The following RBPJ variants were observed in gnomAD, a reference collection of about 807,000 sequenced individuals.
RBPJ encodes the protein recombining binding protein suppressor of hairless.
Under a neutral mutation model 67.8 loss-of-function variants are expected in RBPJ, and 9 were observed. The observed-to-expected ratio is 0.13, with a 90% CI of 0.08 to 0.23. The LOEUF is 0.23. Ranked by LOEUF, RBPJ falls within the 10% of genes least tolerant of loss-of-function variation. The pLI, the probability that RBPJ is intolerant of heterozygous loss-of-function variation, is 1.00. For missense variants in RBPJ, 305 were observed against 595.6 expected (o/e 0.51, Z 5.08); for synonymous variants, 198 against 203.3 (o/e 0.97, Z 0.22).
At chr4:26,335,733 G>A (rs1460169141) in intron 1 of RBPJ, among the ~76,000 whole-genome samples, 2 of 147,366 alleles carry the variant, frequency 1.4e-5, no homozygotes, top group African/African-American at 5.0e-5. Flanking sequence ...CCATTCTCCT[G>A]CCTCAGCCTC....
chr4:26,311,538 C>CAAA (rs758416652), intron 1 of RBPJ, among the ~76,000 whole-genome samples: 1 of 124,610 alleles, frequency 8.0e-6, no homozygotes, highest in African/African-American at 3.0e-5. Context: ...GACTCGGTCT[C>CAAA]AAAAAAAAAA....
the RBPJ span, among the ~76,000 whole-genome samples, chr4:26,109,450 CTCTCTCTCTCTATATATATATATATA>C: frequency 4.0e-5 from 1 of 24,964 alleles, no homozygotes; most frequent in African/African-American, 2.6e-4. Context: ...CTCTCTCTCT[CTCTCTCTCTCTATATATATATATATA>C]TATATATATA....
chr4:26,347,002 T>TA (rs1474252264), intron 1 of RBPJ, among the ~76,000 whole-genome samples: 1 of 150,912 alleles, frequency 6.6e-6, no homozygotes, highest in Non-Finnish European at 1.5e-5. Context: ...AAAAAAAAAA[T>TA]AAAAAATAAA....
intron 3 of RBPJ, among the ~76,000 whole-genome samples, chr4:26,410,632 T>TA (rs1029492336): frequency 6.6e-6 from 1 of 152,196 alleles, no homozygotes; most frequent in Non-Finnish European, 1.5e-5. Flanking sequence ...AGTTCCTAAA[T>TA]ATGGTCCTTG....
intron 1 of RBPJ, among the ~76,000 whole-genome samples, chr4:26,350,051 C>G (rs753463582): frequency 4.6e-5 from 7 of 152,144 alleles, no homozygotes; most frequent in Non-Finnish European, 7.4e-5. Context: ...TCTTTTTGTT[C>G]AGTGCTCTAG....
chr4:26,126,214 G>C, the RBPJ span, among the ~76,000 whole-genome samples: 1 of 152,208 alleles, frequency 6.6e-6, no homozygotes, highest in Non-Finnish European at 1.5e-5. Flanking sequence ...CTAGGGATTT[G>C]GGATACAAAG....
intron 1 of RBPJ, among the ~76,000 whole-genome samples, chr4:26,282,150 T>G (rs55635247): frequency 2.0e-5 from 3 of 149,064 alleles, no homozygotes; most frequent in African/African-American, 2.5e-5. Context: ...TTTTTTTTTT[T>G]TTTTTTGCTA....
At chr4:26,173,090 A>G (rs974947201) in intron 1 of RBPJ, among the ~76,000 whole-genome samples, 11 of 152,182 alleles carry the variant, frequency 7.2e-5, no homozygotes, top group Non-Finnish European at 1.2e-4. Context: ...TATTTGGAAA[A>G]GAACTGGGGT....
At chr4:26,392,313 A>G (rs115227644) in intron 2 of RBPJ, among the ~76,000 whole-genome samples, 1,533 of 152,324 alleles carry the variant, frequency 0.01, 21 homozygotes, top group African/African-American at 0.032. Context: ...TTCCATTCCT[A>G]CATATTTAAT....
At position 26,401,047 on chromosome 4, in the gene RBPJ, C is replaced by T. The variant is rs1236329283; in HGVS notation, c.60-5128C>T. Among the ~76,000 whole-genome samples the T allele has an allele frequency of 3.9e-5, 6 of 152,192 alleles. No individual in the cohort carries two copies. The East Asian group carries it at 7.7e-4, about 19-fold the overall frequency. On this transcript the variant is annotated intron_variant, in intron 2 of 10. Coordinates refer to ENST00000355476, the MANE Select transcript of RBPJ (RefSeq NM_015874.6). ...AGCCTCAGTGGAAGTCCCATTTTCC[C>T]TCCCTCTGCATTTTGTGTACTGTTG...
intron 1 of RBPJ, among the ~76,000 whole-genome samples, chr4:26,222,927 G>A (rs1212995399): frequency 2.0e-5 from 3 of 151,746 alleles, no homozygotes; most frequent in African/African-American, 4.8e-5. Context: ...AGGCCGAGGC[G>A]GGCGGATCAC....
chr4:26,351,222 T>C (rs1220453612), intron 1 of RBPJ, among the ~76,000 whole-genome samples: 1 of 152,176 alleles, frequency 6.6e-6, no homozygotes, highest in Non-Finnish European at 1.5e-5. Flanking sequence ...TGTACATTAG[T>C]GCGTGATCTC....
chr4:26,337,682 CTTT>C lies in RBPJ; in HGVS notation c.20+16652_20+16654del, dbSNP rs386356773. On this transcript the variant is annotated intron_variant, in intron 1 of 10. Transcript: ENST00000355476. ...AAATATATACTTATAATTCTTTATCCTTTTTTTTTTTTTTTTTTTTGAAGGACA... is the reference window on the plus strand; with the variant it reads ...AAATATATACTTATAATTCTTTATCCTTTTTTTTTTTTTTTTTGAAGGACA... Among the ~76,000 whole-genome samples the C allele has an allele frequency of 5.1e-3, 548 of 108,010 alleles. 5 individuals are homozygous for C. Among genetic ancestry groups the C allele is most frequent in the African/African-American group, 0.016 (427 of 27,448 alleles). 70.9% of individuals were successfully genotyped at this position (108,010 alleles called of 152,430 possible). A position where few individuals can be genotyped will look rare whatever the true frequency, so the allele number is the denominator to read the frequency against.
At chr4:26,383,087 A>G (rs1164216934) in intron 1 of RBPJ, among the ~76,000 whole-genome samples, 1 of 152,220 alleles carries the variant, frequency 6.6e-6, no homozygotes, top group Non-Finnish European at 1.5e-5. Context: ...GATGGCACCT[A>G]GAAGGATGTA....
chr4:26,377,738 C>T (rs1729901901), intron 1 of RBPJ, among the ~76,000 whole-genome samples: 2 of 152,122 alleles, frequency 1.3e-5, no homozygotes, highest in Non-Finnish European at 2.9e-5. Context: ...AAATTCTTTA[C>T]TTATCTGCCT....
chr4:26,326,918 A>C (rs1376314347), intron 1 of RBPJ, among the ~76,000 whole-genome samples: 1 of 152,176 alleles, frequency 6.6e-6, no homozygotes, highest in Non-Finnish European at 1.5e-5. Flanking sequence ...CCCTTGAAAT[A>C]TGTGCTTTGG....
chr4:26,357,675 C>T (rs1306106053), intron 1 of RBPJ, among the ~76,000 whole-genome samples: 2 of 152,198 alleles, frequency 1.3e-5, no homozygotes, highest in East Asian at 1.9e-4. Flanking sequence ...CCATCCATCT[C>T]CACAGCTGTT....
At chr4:26,304,007 T>C (rs1047131817) in intron 1 of RBPJ, among the ~76,000 whole-genome samples, 6 of 152,160 alleles carry the variant, frequency 3.9e-5, no homozygotes, top group Non-Finnish European at 5.9e-5. Context: ...AATGAAGTCC[T>C]ATATCCTTTC....
At chr4:26,256,822 A>G (rs1305760005) in intron 1 of RBPJ, among the ~76,000 whole-genome samples, 1 of 152,228 alleles carries the variant, frequency 6.6e-6, no homozygotes, top group Non-Finnish European at 1.5e-5. Flanking sequence ...TGAGAACTTC[A>G]TTTAACAATG....
Sources: gnomAD v4.1 joint callset for allele counts (sites outside exome capture counted in the v4.1 genomes callset) on GRCh38, gnomAD v4.1.1 for gene constraint, MANE v1.5 for transcripts, NCBI Gene and HGNC (gene_info 2026-07-23, HGNC 2026-07-21) for gene names.